COL22A1: variants seen among roughly 807,000 people sequenced by gnomAD.
COL22A1 encodes the protein collagen type XXII alpha 1 chain.
A neutral mutation model predicts 248.9 loss-of-function variants in COL22A1; 221 were observed. The observed-to-expected ratio is 0.89, with a 90% CI of 0.80 to 0.99. The LOEUF (loss-of-function observed/expected upper bound fraction) is 0.99, where lower values mean the gene tolerates loss of function less well. Ranked by LOEUF, COL22A1 falls within the 50% of genes least tolerant of loss-of-function variation. The pLI is 0.00. For synonymous variants in COL22A1, 891 were observed against 793.4 expected, an observed-to-expected ratio of 1.12 and a Z score of -2.07; for missense variants, 2,240 against 2,179.0, an observed-to-expected ratio of 1.03 and a Z score of -0.56.
intron 22 of COL22A1, among the ~76,000 whole-genome samples, chr8:138,738,450 A>G (rs532647119): frequency 6.6e-6 from 1 of 152,352 alleles, no homozygotes; most frequent in African/African-American, 2.4e-5. Flanking sequence ...AAATAAAAGC[A>G]CTACAATCAA....
At chr8:138,674,430 G>C (rs1825336003) in intron 41 of COL22A1, among the ~76,000 whole-genome samples, 2 of 152,206 alleles carry the variant, frequency 1.3e-5, no homozygotes, top group Non-Finnish European at 2.9e-5. Flanking sequence ...ACTGGCCTGG[G>C]CTGTGGCCAG....
rs543544333 is a variant in COL22A1, at chr8:138,866,882, C to T, written c.658+10868G>A. On this transcript the variant is annotated intron_variant, in intron 3 of 64. Coordinates refer to ENST00000303045, the MANE Select transcript of COL22A1 (RefSeq NM_152888.3). ...GTGGGCCGCTGGTCATGCATTTTGA[C>T]CAATACATGGAAGGGAAGAGAAGAG... is the stretch of plus-strand genomic sequence containing the variant. 1.9e-3 allele frequency among the ~76,000 whole-genome samples: 282 copies of T among 152,194 alleles called. 3 individuals are homozygous for T. Among genetic ancestry groups the T allele is most frequent in the African/African-American group, 6.5e-3 (272 of 41,540 alleles).
Position 138,725,440 on chromosome 8 carries a change from C to T in COL22A1, c.2140G>A (p.Gly714Ser), listed in dbSNP as rs771898781. 6.8e-6 allele frequency: 11 copies of T among 1,612,984 alleles called. No individual in the cohort carries two copies. Among genetic ancestry groups the T allele is most frequent in the Non-Finnish European group, 6.8e-6 (8 of 1,179,672 alleles). Reference protein sequence around the residue: ...PGIPGLLGLQGPPGPPGVPGP... With the variant: ...PGIPGLLGLQSPPGPPGVPGP... The stretch of plus-strand genomic sequence containing the variant: ...GGGACACCAGGGGGTCCTGGAGGGC[C>T]CTGTAGAGAAAGAGCATTTGGTGGG... The change falls in exon 24 of 65, where the codon GGC (glycine) becomes AGC (serine). Residue 714 changes from glycine to serine, a missense_variant and splice_region_variant. Physicochemically the swap from Gly to Ser is moderately conservative, Grantham distance 56. Coordinates refer to ENST00000303045, the MANE Select transcript of COL22A1 (RefSeq NM_152888.3).
At chr8:138,894,601 C>T (rs1879047) in intron 1 of COL22A1, among the ~76,000 whole-genome samples, 27,125 of 152,074 alleles carry the variant, frequency 0.18, 2,471 homozygotes, top group Middle Eastern at 0.21. Flanking sequence ...CTTGAGTCTA[C>T]AGCTCAGAAA....
chr8:138,628,641 C>T (rs1365894204), intron 50 of COL22A1, among the ~76,000 whole-genome samples: 1 of 152,184 alleles, frequency 6.6e-6, no homozygotes, highest in Non-Finnish European at 1.5e-5. Context: ...AAAGTTTCAG[C>T]ACCACGGACA....
intron 63 of COL22A1, among the ~76,000 whole-genome samples, chr8:138,591,754 T>C (rs1817072944): frequency 6.6e-6 from 1 of 152,128 alleles, no homozygotes; most frequent in South Asian, 2.1e-4. Context: ...AAACACTCCC[T>C]CCTAAACACA....
rs1815482207 is a variant in COL22A1, at chr8:138,785,959, G to T, written c.1597-4979C>A. Among the ~76,000 whole-genome samples the T allele has an allele frequency of 2.0e-5, 3 of 152,158 alleles. 1 individual carries two copies. The South Asian group carries it at 6.2e-4, about 32-fold the overall frequency. On this transcript the variant is annotated intron_variant, in intron 12 of 64. Transcript: ENST00000303045. The stretch of plus-strand genomic sequence containing the variant: ...CTTGTGTAAGCCCCAGAGACAAGGT[G>T]AACAGCGGGTGTGGTAGAGAGGTAA...
At chr8:138,591,315 C>T (rs1216047143) in intron 64 of COL22A1, 109 bp downstream of exon 64, 4 of 595,616 alleles carry the variant, frequency 6.7e-6, no homozygotes, top group Non-Finnish European at 1.1e-5. Context: ...TCTGTAGAGC[C>T]TAAGCCCTCC....
At chr8:138,644,373 T>C (rs1010985827) in intron 47 of COL22A1, among the ~76,000 whole-genome samples, 3 of 152,202 alleles carry the variant, frequency 2.0e-5, no homozygotes, top group African/African-American at 7.2e-5. Flanking sequence ...ATCCTCACCC[T>C]AAATATGCGG....
intron 1 of COL22A1, among the ~76,000 whole-genome samples, chr8:138,901,377 T>TTTTG (rs1389356855): frequency 1.9e-4 from 28 of 146,472 alleles, no homozygotes; most frequent in Admixed American, 5.5e-4. Flanking sequence ...TTGTTTTTTT[T>TTTTG]TTTTTTTGAG....
At chr8:138,754,988 G>C (rs1832877147) in intron 21 of COL22A1, among the ~76,000 whole-genome samples, 169 bp downstream of exon 21, 1 of 152,184 alleles carries the variant, frequency 6.6e-6, no homozygotes. Context: ...CCTCTTCCAG[G>C]CTCAGTTTTT....
At chr8:138,807,682 C>T in intron 10 of COL22A1, 86 bp downstream of exon 10, 1 of 1,279,628 alleles carries the variant, frequency 7.8e-7, no homozygotes, top group Non-Finnish European at 1.1e-6. Flanking sequence ...GGCAGCATCC[C>T]CACACACCAT....
At chr8:138,831,721 C>T (rs2070147069) in intron 5 of COL22A1, among the ~76,000 whole-genome samples, 1 of 152,126 alleles carries the variant, frequency 6.6e-6, no homozygotes, top group Non-Finnish European at 1.5e-5. Flanking sequence ...GCCACAAAGG[C>T]AGGACAGGGC....
intron 57 of COL22A1, among the ~76,000 whole-genome samples, chr8:138,607,324 G>C (rs986264275): frequency 2.0e-5 from 3 of 152,144 alleles, no homozygotes; most frequent in African/African-American, 7.2e-5. Flanking sequence ...AGATTGGAAG[G>C]AGACTAGTGG....
chr8:138,650,800 G>A (rs1367767777), intron 45 of COL22A1, among the ~76,000 whole-genome samples: 2 of 152,072 alleles, frequency 1.3e-5, no homozygotes, highest in African/African-American at 2.4e-5. Flanking sequence ...TATTCACTCA[G>A]TCACTCACTC....
At chr8:138,755,546 G>T in intron 19 of COL22A1, 35 bp from the exon 20 acceptor site, 1 of 1,612,380 alleles carries the variant, frequency 6.2e-7, no homozygotes, top group Non-Finnish European at 8.5e-7. Flanking sequence ...AAAGGTGCTG[G>T]CATTTCCGCA....
Position 138,623,695 on chromosome 8 carries a change from T to C in COL22A1, c.3771+37A>G, listed in dbSNP as rs201365372. On this transcript the variant is annotated intron_variant, in intron 52 of 64. Coordinates refer to ENST00000303045, the MANE Select transcript of COL22A1 (RefSeq NM_152888.3). ...AGTTGTTTTTGACATGTAATAGATT[T>C]GGCATGTGATATAATAGGAAGTTTA... is the stretch of plus-strand genomic sequence containing the variant. 8.8e-5 allele frequency: 137 copies of C among 1,560,584 alleles called. No individual in the cohort carries two copies. In the East Asian group the frequency reaches 2.4e-3, roughly 27 times the overall value.
In COL22A1 at chr8:138,904,816, C is replaced by A. The variant is rs1587010282; in HGVS notation, c.-73+8803G>T. ...TTGGAGGTGCCATCCCAGCAGGCTC[C>A]CCTTTTTCTGGGAGAGAATAATGAG... On this transcript the variant is annotated intron_variant, in intron 1 of 64. Coordinates refer to ENST00000303045, the MANE Select transcript of COL22A1 (RefSeq NM_152888.3). 2.0e-5 allele frequency among the ~76,000 whole-genome samples: 3 copies of A among 152,158 alleles called. No homozygotes were observed. The South Asian group carries it at 6.2e-4, about 31-fold the overall frequency.
At chr8:138,694,777 G>C (rs539695789) in intron 33 of COL22A1, 49 bp downstream of exon 33, 1 of 1,600,790 alleles carries the variant, frequency 6.2e-7, no homozygotes, top group South Asian at 1.1e-5. Flanking sequence ...TTGGAGTCCG[G>C]GTCTCCAGGT....
Sources: gnomAD v4.1 joint callset for allele counts (sites outside exome capture counted in the v4.1 genomes callset) on GRCh38, gnomAD v4.1.1 for gene constraint, MANE v1.5 for transcripts, NCBI Gene and HGNC (gene_info 2026-07-23, HGNC 2026-07-21) for gene names.